COL23A1: variants seen among roughly 807,000 people sequenced by gnomAD.
The protein encoded by COL23A1 is collagen alpha-1(XXIII) chain.
A neutral mutation model predicts 99.3 loss-of-function variants in COL23A1; 97 were observed. The ratio of observed to expected loss-of-function variants is 0.98; its 90% CI spans 0.83 to 1.16. COL23A1 has a LOEUF of 1.16. Among genes scored for constraint, COL23A1 ranks in the 50% most tolerant of loss-of-function variants. COL23A1 has a pLI of 0.00. For missense variants in COL23A1, 762 were observed against 757.4 expected (o/e 1.01, Z -0.07); for synonymous variants, 320 against 308.2 (o/e 1.04, Z -0.40).
chr5:178,347,248 AT>A (rs1374531968), intron 2 of COL23A1, among the ~76,000 whole-genome samples: 1 of 152,180 alleles, frequency 6.6e-6, no homozygotes, highest in Non-Finnish European at 1.5e-5. Flanking sequence ...GAAGGACTGG[AT>A]TTTATCTTTC....
chr5:178,435,750 C>T (rs1452219587), intron 2 of COL23A1, among the ~76,000 whole-genome samples: 7 of 152,096 alleles, frequency 4.6e-5, no homozygotes, highest in Admixed American at 4.6e-4. Flanking sequence ...CCCTGTTTAC[C>T]TTAGATGGTA....
At position 178,263,197 on chromosome 5, in the gene COL23A1, C is replaced by T. The variant is rs146606842; in HGVS notation, c.639+11G>A. The T allele has an allele frequency of 1.9e-6, 3 of 1,596,530 alleles. No individual in the cohort carries two copies. The African/African-American group carries it at 4.0e-5, about 21-fold the overall frequency. ...AAGTCCTGCGTGGCCCAACTCCATG[C>T]CCTCTCTTACCGCTGGGCCTTGTGC... On this transcript the variant is annotated intron_variant, in intron 9 of 28. Coordinates refer to ENST00000390654, the MANE Select transcript of COL23A1 (RefSeq NM_173465.4).
intron 1 of COL23A1, among the ~76,000 whole-genome samples, chr5:178,585,017 C>T (rs941629567): frequency 2.0e-5 from 3 of 152,222 alleles, no homozygotes; most frequent in African/African-American, 4.8e-5. Flanking sequence ...AGGCCAAAGA[C>T]TGCAACCAAC....
At chr5:178,489,437 T>C (rs1042730530) in intron 2 of COL23A1, among the ~76,000 whole-genome samples, 10 of 152,232 alleles carry the variant, frequency 6.6e-5, no homozygotes, top group Non-Finnish European at 1.3e-4. Context: ...CCTCTGGTTC[T>C]GCGGCTTGTA....
chr5:178,272,179 C>A (rs1224961594), intron 5 of COL23A1, among the ~76,000 whole-genome samples: 4 of 152,232 alleles, frequency 2.6e-5, no homozygotes, highest in Admixed American at 2.6e-4. Flanking sequence ...AGAGGCAGCT[C>A]GTCCCCCGGG....
intron 2 of COL23A1, chr5:178,345,352 T>C: frequency 2.0e-6 from 1 of 503,748 alleles, no homozygotes; most frequent in South Asian, 1.9e-5. Flanking sequence ...TTTTTTTCCC[T>C]GAGCAAGGGG....
intron 2 of COL23A1, among the ~76,000 whole-genome samples, chr5:178,412,977 T>G (rs1295554397): frequency 6.6e-6 from 1 of 151,708 alleles, no homozygotes; most frequent in Non-Finnish European, 1.5e-5. Context: ...TACAACTTTT[T>G]CTATTCCAAT....
rs988294177 is a variant in COL23A1, at chr5:178,434,153, G to A, written c.361+126529C>T. Among the ~76,000 whole-genome samples, 1 of 152,206 alleles carries A rather than the reference G, an allele frequency of 6.6e-6. No homozygotes were observed. The highest frequency in any genetic ancestry group is 2.4e-5 in the African/African-American group (1 of 41,454). ...CCCTCCCAATGCCTCAGGAAACAGC[G>A]ACTGTCATCTTCTCCACTTTCCAGA... On this transcript the variant is annotated intron_variant, in intron 2 of 28. Coordinates refer to ENST00000390654, the MANE Select transcript of COL23A1 (RefSeq NM_173465.4). This position sits in a 1 kb window ranked among gnomAD's most constrained non-coding sequence, Gnocchi z 4.3.
intron 1 of COL23A1, among the ~76,000 whole-genome samples, chr5:178,581,110 TC>T (rs1225603906): frequency 6.6e-6 from 1 of 152,260 alleles, no homozygotes; most frequent in Non-Finnish European, 1.5e-5. Flanking sequence ...CTTTTTGCTT[TC>T]GACAACAATG....
At chr5:178,498,295 TAAAG>T (rs1758342672) in intron 2 of COL23A1, among the ~76,000 whole-genome samples, 1 of 116,184 alleles carries the variant, frequency 8.6e-6, no homozygotes, top group African/African-American at 3.0e-5. Context: ...AATAAAAAAT[TAAAG>T]AAACACATTT....
In COL23A1 at chr5:178,357,316, C is replaced by A. The variant is rs935257306; in HGVS notation, c.362-50397G>T. 4.6e-5 allele frequency among the ~76,000 whole-genome samples: 7 copies of A among 152,102 alleles called. No individual in the cohort carries two copies. In the East Asian group the frequency reaches 1.4e-3, roughly 29 times the overall value. The stretch of plus-strand genomic sequence containing the variant: ...GTCTGTCCACGCCCTCAGGAGAATG[C>A]CTTTTCTGTGAGCCGGCGGAAGTGC... On this transcript the variant is annotated intron_variant, in intron 2 of 28. Coordinates refer to ENST00000390654, the MANE Select transcript of COL23A1 (RefSeq NM_173465.4).
rs113244860 is a variant in COL23A1 at position 178,484,502 on chromosome 5, A to G, written c.361+76180T>C. ...GGACATTATGACTGTTTATGTGACT[A>G]GTGTGTCTGGCTCCCGAAACTGTAA... On this transcript the variant is annotated intron_variant, in intron 2 of 28. Coordinates refer to ENST00000390654, the MANE Select transcript of COL23A1 (RefSeq NM_173465.4). 1.0e-2 allele frequency among the ~76,000 whole-genome samples: 1,516 copies of G among 152,006 alleles called. 28 individuals are homozygous for G. The highest frequency in any genetic ancestry group is 0.034 in the African/African-American group (1,425 of 41,476).
At chr5:178,267,132 C>T (rs1755945478) in intron 8 of COL23A1, among the ~76,000 whole-genome samples, 175 bp downstream of exon 8, 1 of 152,236 alleles carries the variant, frequency 6.6e-6, no homozygotes, top group Non-Finnish European at 1.5e-5. Flanking sequence ...AGGGGCAGCC[C>T]CACAACCCAG....
chr5:178,244,991 CCA>C (rs1764593908), intron 25 of COL23A1, among the ~76,000 whole-genome samples: 1 of 109,522 alleles, frequency 9.1e-6, no homozygotes, highest in African/African-American at 2.7e-5. Context: ...CATCTATCAT[CCA>C]TCCATCCATC....
chr5:178,273,654 C>CAGACGGGGCTGGGCCAGCCCCTGGGACAG, intron 5 of COL23A1, among the ~76,000 whole-genome samples: 1 of 152,162 alleles, frequency 6.6e-6, no homozygotes, highest in East Asian at 1.9e-4. Flanking sequence ...AAAACTGACA[C>CAGACGGGGCTGGGCCAGCCCCTGGGACAG]AGCAGACGGG....
intron 8 of COL23A1, among the ~76,000 whole-genome samples, chr5:178,264,222 G>T (rs1191525466): frequency 6.6e-6 from 1 of 152,032 alleles, no homozygotes; most frequent in Non-Finnish European, 1.5e-5. Context: ...ATTTCCTGTT[G>T]TGAGACTGTA....
chr5:178,488,838 C>T (rs1262390230), intron 2 of COL23A1, among the ~76,000 whole-genome samples: 1 of 152,186 alleles, frequency 6.6e-6, no homozygotes, highest in Non-Finnish European at 1.5e-5. Context: ...CTCTGCCAGG[C>T]TTAGGAAGGA....
intron 2 of COL23A1, among the ~76,000 whole-genome samples, chr5:178,401,017 G>C (rs1033189097): frequency 6.6e-6 from 1 of 152,268 alleles, no homozygotes; most frequent in Middle Eastern, 3.4e-3. Context: ...ATTTCCCCCA[G>C]TGCCTGGTAA....
intron 2 of COL23A1, among the ~76,000 whole-genome samples, chr5:178,417,553 C>A (rs921378322): frequency 3.3e-5 from 5 of 152,172 alleles, no homozygotes; most frequent in Admixed American, 3.3e-4. Context: ...TCCCCCATTC[C>A]CCCAGCGAGA....
Sources: gnomAD v4.1 joint callset for allele counts (sites outside exome capture counted in the v4.1 genomes callset) on GRCh38, gnomAD v4.1.1 for gene constraint, Gnocchi (gnomAD v3.1) non-coding constraint, MANE v1.5 for transcripts, NCBI Gene and HGNC (gene_info 2026-07-23, HGNC 2026-07-21) for gene names.